Variants in RBFOX1 observed in about 807,000 individuals in gnomAD.
The protein encoded by RBFOX1 is RNA binding fox-1 homolog 1.
Under a neutral mutation model 57.7 loss-of-function variants are expected in RBFOX1, and 8 were observed. The observed-to-expected ratio is 0.14, with a 90% CI of 0.08 to 0.25. The LOEUF (loss-of-function observed/expected upper bound fraction) is 0.25, where lower values mean the gene tolerates loss of function less well. RBFOX1 is among the 10% of genes least tolerant of loss of function. RBFOX1 has a pLI of 1.00. For missense variants in RBFOX1, 611 were observed against 548.5 expected (o/e 1.11, Z -1.14); for synonymous variants, 326 against 222.4 (o/e 1.47, Z -4.15).
intron 4 of RBFOX1, among the ~76,000 whole-genome samples, chr16:7,102,582 A>G (rs531578097): frequency 7.2e-5 from 11 of 152,304 alleles, no homozygotes; most frequent in African/African-American, 2.6e-4. Context: ...TGCAATAATA[A>G]TTAGGCAGTG....
At chr16:6,474,766 C>T (rs1292888641) in intron 2 of RBFOX1, among the ~76,000 whole-genome samples, 1 of 152,162 alleles carries the variant, frequency 6.6e-6, no homozygotes, top group East Asian at 1.9e-4. Flanking sequence ...ATGTAAGCTT[C>T]TAGAATTCTG....
intron 14 of RBFOX1, 115 bp from the exon 15 acceptor site, chr16:7,708,941 T>G: frequency 1.1e-6 from 1 of 894,044 alleles, no homozygotes; most frequent in South Asian, 1.5e-5. Context: ...AATTTGCTTC[T>G]CACTGGAAGA....
At chr16:6,957,853 C>A (rs979112882) in intron 3 of RBFOX1, among the ~76,000 whole-genome samples, 3 of 152,094 alleles carry the variant, frequency 2.0e-5, no homozygotes, top group Non-Finnish European at 4.4e-5. Flanking sequence ...GGACTTCCTC[C>A]TAGCGTGACA....
intron 4 of RBFOX1, among the ~76,000 whole-genome samples, chr16:7,361,073 C>T (rs369350665): frequency 9.2e-5 from 14 of 152,282 alleles, no homozygotes; most frequent in South Asian, 6.2e-4. Flanking sequence ...ACTCTGCCTG[C>T]TGGGGGTTTC....
intron 4 of RBFOX1, among the ~76,000 whole-genome samples, chr16:7,309,830 C>T (rs2096270066): frequency 6.6e-6 from 1 of 152,192 alleles, no homozygotes; most frequent in African/African-American, 2.4e-5. Context: ...CAGCACATGT[C>T]ATCCCGTGAA....
intron 3 of RBFOX1, among the ~76,000 whole-genome samples, chr16:6,765,871 A>G (rs2077251486): frequency 6.6e-6 from 1 of 152,210 alleles, no homozygotes; most frequent in Non-Finnish European, 1.5e-5. Context: ...TAAGTGAAGT[A>G]ACTCTGAAAT....
intron 4 of RBFOX1, among the ~76,000 whole-genome samples, chr16:7,502,648 G>T (rs771672607): frequency 6.6e-6 from 1 of 152,128 alleles, no homozygotes. Flanking sequence ...ACATTGTGCA[G>T]GTTAGTTACA....
intron 5 of RBFOX1, among the ~76,000 whole-genome samples, chr16:7,577,084 A>G (rs1000194028): frequency 6.6e-6 from 1 of 152,198 alleles, no homozygotes; most frequent in Non-Finnish European, 1.5e-5. Context: ...CTCTTCGACT[A>G]TCACATGAAG....
chr16:7,531,667 G>A (rs537703660), intron 5 of RBFOX1, among the ~76,000 whole-genome samples: 1 of 152,152 alleles, frequency 6.6e-6, no homozygotes, highest in Non-Finnish European at 1.5e-5. Context: ...ACGGATGAGG[G>A]AACTGAGGCA....
At chr16:7,213,880 A>G (rs1170540292) in intron 4 of RBFOX1, among the ~76,000 whole-genome samples, 2 of 152,150 alleles carry the variant, frequency 1.3e-5, no homozygotes, top group Admixed American at 6.5e-5. Flanking sequence ...CGACTCAAAG[A>G]CAGCTAGAGG....
chr16:7,092,928 A>G (rs577271720), intron 4 of RBFOX1, among the ~76,000 whole-genome samples: 7 of 152,094 alleles, frequency 4.6e-5, no homozygotes. Flanking sequence ...GTTTTTTTCC[A>G]AGTTAGTTGA....
At chr16:5,492,028 C>A (rs1185176482) in intron 2 of RBFOX1, among the ~76,000 whole-genome samples, 1 of 152,146 alleles carries the variant, frequency 6.6e-6, no homozygotes, top group East Asian at 1.9e-4. Flanking sequence ...GGCCCCAGAC[C>A]AGCAGTATCA....
chr16:6,196,932 C>G (rs908518052), intron 1 of RBFOX1, among the ~76,000 whole-genome samples: 3 of 152,044 alleles, frequency 2.0e-5, no homozygotes, highest in African/African-American at 7.2e-5. Flanking sequence ...AGTTGTGTAA[C>G]ATCATTCAGT....
At position 7,464,688 on chromosome 16, in the gene RBFOX1, C is replaced by CTTTTTT. The variant is rs57553411; in HGVS notation, c.28-53438_28-53433dup. Reference sequence around the variant, plus strand: ...CCGAAATACTTCTTGTATTGTCTGTCTTTTTTTTTTTTTTTTTTTTTTTTT... The same window carrying CTTTTTT: ...CCGAAATACTTCTTGTATTGTCTGTCTTTTTTTTTTTTTTTTTTTTTTTTTTTTTTT... On this transcript the variant is annotated intron_variant, in intron 4 of 15. Transcript: ENST00000550418. Among the ~76,000 whole-genome samples the CTTTTTT allele has an allele frequency of 3.7e-3, 231 of 62,270 alleles. 16 individuals carry two copies. Among genetic ancestry groups the CTTTTTT allele is most frequent in the African/African-American group, 0.015 (218 of 14,474 alleles). The allele number at this position is 62,270 out of a possible 152,430, so 40.9% of individuals were successfully genotyped here.
chr16:6,613,002 CATGTGTGTGTGT>C, intron 2 of RBFOX1, among the ~76,000 whole-genome samples: 1 of 116,946 alleles, frequency 8.6e-6, no homozygotes, highest in East Asian at 2.3e-4. Context: ...CCAGTCCCAG[CATGTGTGTGTGT>C]GTGTGTGTGT....
intron 10 of RBFOX1, among the ~76,000 whole-genome samples, chr16:7,615,663 C>G (rs78955279): frequency 0.01 from 1,595 of 152,072 alleles, 35 homozygotes; most frequent in African/African-American, 0.037. Flanking sequence ...TGACCTTTCT[C>G]TTAGGGGAAT....
intron 3 of RBFOX1, among the ~76,000 whole-genome samples, chr16:5,790,105 A>G (rs11864194): frequency 0.032 from 4,829 of 152,278 alleles, 241 homozygotes; most frequent in African/African-American, 0.11. Flanking sequence ...GCCTTCCTCC[A>G]TCTTCAGCAT....
At chr16:7,078,086 T>G (rs2058585183) in intron 4 of RBFOX1, among the ~76,000 whole-genome samples, 1 of 152,174 alleles carries the variant, frequency 6.6e-6, no homozygotes, top group South Asian at 2.1e-4. Flanking sequence ...TACCACTTGC[T>G]CCTCCTCCTC....
chr16:6,146,371 A>G (rs2096758187), intron 1 of RBFOX1, among the ~76,000 whole-genome samples: 2 of 152,202 alleles, frequency 1.3e-5, no homozygotes, highest in Admixed American at 6.5e-5. Flanking sequence ...AGCCTCCAAA[A>G]TTGTAGATCA....
Sources: gnomAD v4.1 joint callset for allele counts (sites outside exome capture counted in the v4.1 genomes callset) on GRCh38, gnomAD v4.1.1 for gene constraint, MANE v1.5 for transcripts, NCBI Gene and HGNC (gene_info 2026-07-23, HGNC 2026-07-21) for gene names.